Variants in PELP1 observed in about 807,000 individuals in gnomAD.
PELP1 encodes the protein proline-, glutamic acid- and leucine-rich protein 1.
Under a neutral mutation model 95.5 loss-of-function variants are expected in PELP1, and 32 were observed. The ratio of observed to expected loss-of-function variants is 0.34; its 90% CI spans 0.25 to 0.45. The LOEUF is 0.45. PELP1 is among the 20% of genes least tolerant of loss of function. The probability of loss-of-function intolerance (pLI) is 1.00; values close to 1 mark genes in which losing one functional copy is unlikely to be tolerated. For missense variants in PELP1, 1,358 were observed against 1,444.8 expected, an observed-to-expected ratio of 0.94 and a Z score of 0.97; for synonymous variants, 668 against 600.1, an observed-to-expected ratio of 1.11 and a Z score of -1.65.
At chr17:4,686,182 G>A (rs963205648) in intron 3 of PELP1, among the ~76,000 whole-genome samples, 8 of 152,128 alleles carry the variant, frequency 5.3e-5, no homozygotes, top group Non-Finnish European at 1.0e-4. Context: ...GCCGGATCAG[G>A]GGGATAGTTA....
intron 6 of PELP1, 22 bp downstream of exon 6, chr17:4,676,731 C>T (rs748134849): frequency 6.4e-7 from 1 of 1,556,326 alleles, no homozygotes; most frequent in Non-Finnish European, 8.7e-7. Flanking sequence ...CCGGGCTCTC[C>T]CTCTCCCTCC....
Position 4,669,805 on chromosome 17 carries a change from C to A in PELP1, c.*1634G>T, listed in dbSNP as rs1912127983. 1 of 149,808 alleles carries A rather than the reference C, an allele frequency of 6.7e-6. No homozygotes were observed. Among genetic ancestry groups the A allele is most frequent in the South Asian group, 2.1e-4 (1 of 4,796 alleles). 9.3% of individuals were successfully genotyped at this position (149,808 alleles called of 1,614,324 possible). On this transcript the variant is annotated 3_prime_UTR_variant, in exon 17 of 17. Coordinates refer to ENST00000572293, the MANE Select transcript of PELP1 (RefSeq NM_014389.3). ...AATTAATAGGAAAATTTTAATATCA[C>A]AATTATCACTGGATTACTGTTATTT...
chr17:4,691,309 C>A, intron 2 of PELP1, 69 bp downstream of exon 2: 2 of 1,102,580 alleles, frequency 1.8e-6, no homozygotes, highest in Non-Finnish European at 2.8e-6. Flanking sequence ...ACAATGAAAG[C>A]AAAGATGTAC....
chr17:4,702,906 T>G (rs1280161540), intron 1 of PELP1, among the ~76,000 whole-genome samples: 3 of 151,976 alleles, frequency 2.0e-5, no homozygotes, highest in African/African-American at 7.3e-5. Context: ...CCGGACAAGA[T>G]GGTGGGGGTT....
intron 1 of PELP1, among the ~76,000 whole-genome samples, chr17:4,697,183 G>C (rs1371611482): frequency 6.6e-6 from 1 of 152,050 alleles, no homozygotes; most frequent in African/African-American, 2.4e-5. Context: ...GTCTTTACTG[G>C]AAAGGAGTAA....
At chr17:4,686,683 A>G (rs1912920257) in intron 3 of PELP1, among the ~76,000 whole-genome samples, 1 of 151,838 alleles carries the variant, frequency 6.6e-6, no homozygotes, top group East Asian at 1.9e-4. Context: ...ATGCCTGGCT[A>G]ATTTTTGTAT....
In PELP1 at chr17:4,672,914, C is replaced by G. The variant is rs1469556956; in HGVS notation, c.2077G>C (p.Gly693Arg). The G allele has an allele frequency of 6.2e-7, 1 of 1,612,614 alleles. No individual in the cohort carries two copies. Among genetic ancestry groups the G allele is most frequent in the Admixed American group, 1.7e-5 (1 of 59,922 alleles). ...CCAGGGCGTGCCGAGGGCACAGGGC[C>G]TGCTGAGGGCATGGGGCCTGCTGAA... The part of the protein sequence containing the change: ...MPSAGPMPSA[G>R]PVPSARPGPP... The change falls in exon 16 of 17, where the codon GGC becomes CGC. Residue 693 changes from glycine to arginine, a missense_variant. Transcript: ENST00000572293.
At chr17:4,702,516 G>C (rs1450089345) in intron 1 of PELP1, among the ~76,000 whole-genome samples, 1 of 152,158 alleles carries the variant, frequency 6.6e-6, no homozygotes, top group Non-Finnish European at 1.5e-5. Context: ...AATTAGAAGA[G>C]GGGAATTTAG....
intron 1 of PELP1, chr17:4,696,682 A>C (rs986791832): frequency 6.6e-6 from 1 of 152,218 alleles, no homozygotes; most frequent in African/African-American, 2.4e-5. Flanking sequence ...AGGTTACTGT[A>C]ATATTCCAGA....
intron 1 of PELP1, among the ~76,000 whole-genome samples, chr17:4,697,466 A>T (rs1405861749): frequency 1.3e-5 from 2 of 152,138 alleles, no homozygotes. Context: ...GTAAGCTATG[A>T]TCGCGCCACT....
intron 1 of PELP1, among the ~76,000 whole-genome samples, chr17:4,693,629 A>C (rs1200228300): frequency 6.6e-6 from 1 of 152,222 alleles, no homozygotes; most frequent in African/African-American, 2.4e-5. Context: ...CGAGATGGTT[A>C]CAAGATGACC....
chr17:4,671,599 G>T (rs961392141), intron 16 of PELP1, 68 bp from the exon 17 acceptor site: 1 of 1,606,076 alleles, frequency 6.2e-7, no homozygotes, highest in South Asian at 1.1e-5. Context: ...GGTTCAGGCT[G>T]GGCAAACCTC....
intron 4 of PELP1, 57 bp downstream of exon 4, chr17:4,682,746 T>C: frequency 6.7e-7 from 1 of 1,497,350 alleles, no homozygotes; most frequent in Non-Finnish European, 9.0e-7. Context: ...AATTAAACAG[T>C]GTGTGAAGGT....
At chr17:4,682,390 G>T (rs1053295663) in intron 5 of PELP1, 112 bp downstream of exon 5, 3 of 725,768 alleles carry the variant, frequency 4.1e-6, no homozygotes, top group Non-Finnish European at 7.3e-6. Context: ...GTGGAGATAG[G>T]TAACTTTAAA....
chr17:4,699,897 AT>A (rs34806511), intron 1 of PELP1, among the ~76,000 whole-genome samples: 337 of 86,738 alleles, frequency 3.9e-3, no homozygotes, highest in African/African-American at 0.012. Flanking sequence ...CTAGAGGGTG[AT>A]TTTTTTTTTT....
At chr17:4,688,424 T>C (rs1245663650) in intron 3 of PELP1, among the ~76,000 whole-genome samples, 3 of 152,020 alleles carry the variant, frequency 2.0e-5, no homozygotes, top group Non-Finnish European at 2.9e-5. Context: ...ACCAGTGATA[T>C]GATCATATAC....
chr17:4,703,332 G>A (rs1332340062), intron 1 of PELP1, among the ~76,000 whole-genome samples: 1 of 152,064 alleles, frequency 6.6e-6, no homozygotes. Context: ...TAGGGTCTCA[G>A]CTTAAACGCC....
At chr17:4,690,476 C>T (rs1263785047) in intron 3 of PELP1, among the ~76,000 whole-genome samples, 1 of 152,040 alleles carries the variant, frequency 6.6e-6, no homozygotes, top group Non-Finnish European at 1.5e-5. Flanking sequence ...AATCCCAGCA[C>T]TTTGGGAGGC....
Position 4,671,757 on chromosome 17 carries a change from G to A in PELP1, c.3234C>T (p.Pro1078=). 6.6e-7 allele frequency: 1 copy of A among 1,524,486 alleles called. No individual in the cohort carries two copies. Among genetic ancestry groups the A allele is most frequent in the Non-Finnish European group, 8.8e-7 (1 of 1,140,874 alleles). 94.4% of individuals were successfully genotyped at this position (1,524,486 alleles called of 1,614,324 possible). ...ETEDGSDKVQ[P]PPETPAEEEM... ...CTTCTTCTGCAGGTGTCTCTGGTGG[G>A]GGCTGCACCTTGTCACTCCCATCCT... The change falls in exon 16 of 17, where the codon CCC becomes CCT. Residue 1078 remains proline, a synonymous_variant. Transcript: ENST00000572293.
Sources: gnomAD v4.1 joint callset for allele counts (sites outside exome capture counted in the v4.1 genomes callset) on GRCh38, gnomAD v4.1.1 for gene constraint, MANE v1.5 for transcripts, NCBI Gene and HGNC (gene_info 2026-07-23, HGNC 2026-07-21) for gene names.